The following TTC1 variants were observed in gnomAD, a reference collection of about 807,000 sequenced individuals.
TTC1 encodes the protein tetratricopeptide repeat domain 1.
In TTC1, 31 loss-of-function variants were observed where a neutral mutation model predicts 37.6. That is an observed-to-expected ratio of 0.82 (90% confidence interval 0.62 to 1.11). The LOEUF is 1.11. Ranked by LOEUF, TTC1 falls within the 50% of genes most tolerant of loss-of-function variation. The pLI, the probability that TTC1 is intolerant of heterozygous loss-of-function variation, is 0.00. For synonymous variants in TTC1, 127 were observed against 122.4 expected, an observed-to-expected ratio of 1.04 and a Z score of -0.25; for missense variants, 351 against 339.0, an observed-to-expected ratio of 1.04 and a Z score of -0.28.
At chr5:160,055,528 G>C (rs1285003811) in intron 7 of TTC1, among the ~76,000 whole-genome samples, 2 of 152,206 alleles carry the variant, frequency 1.3e-5, no homozygotes, top group Admixed American at 1.3e-4. Flanking sequence ...CAGATATGGT[G>C]CCCAGAACAT....
At chr5:160,011,028 G>A (rs1335206568) in intron 2 of TTC1, among the ~76,000 whole-genome samples, 170 bp downstream of exon 2, 1 of 152,170 alleles carries the variant, frequency 6.6e-6, no homozygotes, top group African/African-American at 2.4e-5. Flanking sequence ...TGACAGGGAA[G>A]CACTTGAGTG....
At chr5:160,023,553 T>G (rs1210413498) in intron 2 of TTC1, among the ~76,000 whole-genome samples, 2 of 152,172 alleles carry the variant, frequency 1.3e-5, no homozygotes, top group Non-Finnish European at 2.9e-5. Context: ...AAACTTATAA[T>G]TCAGCTAGGG....
intron 5 of TTC1, 29 bp from the exon 6 acceptor site, chr5:160,049,485 G>T: frequency 1.3e-6 from 2 of 1,539,168 alleles, no homozygotes; most frequent in South Asian, 2.5e-5. Context: ...TTTTCTTTGT[G>T]ATAAAAATTA....
At position 160,064,948 on chromosome 5, in the gene TTC1, T is replaced by C; in HGVS notation, c.762T>C (p.Leu254=). 1.2e-6 allele frequency: 2 copies of C among 1,611,538 alleles called. No individual in the cohort carries two copies. Among genetic ancestry groups the C allele is most frequent in the Non-Finnish European group, 1.7e-6 (2 of 1,179,512 alleles). The change falls in exon 8 of 8, where the codon CTT becomes CTC. Residue 254 remains leucine, a synonymous_variant. Coordinates refer to ENST00000231238, the MANE Select transcript of TTC1 (RefSeq NM_003314.3). ...ACATTACAGGTAAATTAAAAGATCTTGGGAACTTGGTTCTCCGACCTTTTG... is the reference window on the plus strand; with the variant it reads ...ACATTACAGGTAAATTAAAAGATCTCGGGAACTTGGTTCTCCGACCTTTTG... ...KEEMLGKLKD[L]GNLVLRPFGL...
At chr5:160,017,064 A>G (rs1307073851) in intron 2 of TTC1, among the ~76,000 whole-genome samples, 2 of 152,254 alleles carry the variant, frequency 1.3e-5, no homozygotes, top group Admixed American at 1.3e-4. Flanking sequence ...AAATGTAGAT[A>G]TAACTACCCA....
chr5:160,065,073 A>G lies in TTC1; in HGVS notation c.*8A>G. ...CCAAATAATAACAGATAACAAAGAT[A>G]ACAAAAGCTTTACAAGCTGACTTGG... On this transcript the variant is annotated 3_prime_UTR_variant, in exon 8 of 8. Transcript: ENST00000231238. 6.2e-7 allele frequency: 1 copy of G among 1,607,350 alleles called. No homozygotes were observed. The highest frequency in any genetic ancestry group is 8.5e-7 in the Non-Finnish European group (1 of 1,178,608).
chr5:160,046,308 C>T (rs1337992552), intron 5 of TTC1, among the ~76,000 whole-genome samples: 1 of 152,188 alleles, frequency 6.6e-6, no homozygotes, highest in Non-Finnish European at 1.5e-5. Context: ...ACCTTACCTG[C>T]ATTTAATACA....
At chr5:160,028,417 T>A (rs536723395) in intron 2 of TTC1, among the ~76,000 whole-genome samples, 4 of 152,298 alleles carry the variant, frequency 2.6e-5, no homozygotes, top group African/African-American at 9.6e-5. Flanking sequence ...TTCATTTTTC[T>A]TCAGTCTTTT....
At position 160,009,199 on chromosome 5, in the gene TTC1, T is replaced by C. The variant is rs1360693819; in HGVS notation, c.-30+6T>C. 1.3e-5 allele frequency: 2 copies of C among 152,204 alleles called. No homozygotes were observed. The highest frequency in any genetic ancestry group is 4.8e-5 in the African/African-American group (2 of 41,418). 9.4% of individuals were successfully genotyped at this position (152,204 alleles called of 1,614,324 possible). A position where few individuals can be genotyped will look rare whatever the true frequency, so the allele number is the denominator to read the frequency against. On this transcript the variant is annotated splice_donor_region_variant and intron_variant, in intron 1 of 7. Transcript: ENST00000231238. ...ACCGGAGAAGCTGTGAGGTTGTGAG[T>C]AACCCCGTGGGTCTAAGCGTGTTGG...
chr5:160,057,850 C>A lies in TTC1; in HGVS notation c.745+6667C>A, dbSNP rs1325664500. On this transcript the variant is annotated intron_variant, in intron 7 of 7. Coordinates refer to ENST00000231238, the MANE Select transcript of TTC1 (RefSeq NM_003314.3). This position sits in a 1 kb window ranked among gnomAD's most constrained non-coding sequence, Gnocchi z 4.4. Reference sequence around the variant, plus strand: ...GTGGCACAATCTTGGCTCACTGCAACCCCGCCTCCTGGGTTCAAACAATTC... The same window carrying A: ...GTGGCACAATCTTGGCTCACTGCAAACCCGCCTCCTGGGTTCAAACAATTC... 6.6e-6 allele frequency among the ~76,000 whole-genome samples: 1 copy of A among 152,138 alleles called. No individual in the cohort carries two copies. Among genetic ancestry groups the A allele is most frequent in the East Asian group, 1.9e-4 (1 of 5,184 alleles).
chr5:160,027,035 TTTTC>T (rs1250013857), intron 2 of TTC1, among the ~76,000 whole-genome samples: 1 of 152,016 alleles, frequency 6.6e-6, no homozygotes, highest in African/African-American at 2.4e-5. Context: ...TTTTTTTTCT[TTTTC>T]TTTTTTTGAG....
chr5:160,034,720 T>G (rs1273337161), intron 2 of TTC1, among the ~76,000 whole-genome samples: 1 of 152,162 alleles, frequency 6.6e-6, no homozygotes, highest in Non-Finnish European at 1.5e-5. Flanking sequence ...AAACTAAGGC[T>G]CAGAAAGATT....
At chr5:160,036,908 T>C in intron 4 of TTC1, 105 bp downstream of exon 4, 4 of 722,816 alleles carry the variant, frequency 5.5e-6, no homozygotes, top group Middle Eastern at 2.4e-4. Flanking sequence ...GCCTCCCTTT[T>C]CCTGCCCATA....
intron 2 of TTC1, among the ~76,000 whole-genome samples, chr5:160,024,480 C>T (rs1048095881): frequency 6.6e-6 from 1 of 152,014 alleles, no homozygotes; most frequent in Admixed American, 6.6e-5. Flanking sequence ...TTCATGTTGC[C>T]TTAGTTTTCT....
At chr5:160,043,736 A>C (rs1414515189) in intron 5 of TTC1, among the ~76,000 whole-genome samples, 1 of 152,238 alleles carries the variant, frequency 6.6e-6, no homozygotes, top group Non-Finnish European at 1.5e-5. Flanking sequence ...GTGTGTTTTG[A>C]GAAGGGGGAC....
rs1212794318 is a variant in TTC1 at position 160,045,512 on chromosome 5, ACATACACACT to A, written c.541+2345_541+2354del. 2.1e-3 allele frequency among the ~76,000 whole-genome samples: 90 copies of A among 42,818 alleles called. 1 individual carries two copies. Among genetic ancestry groups the A allele is most frequent in the Admixed American group, 5.6e-3 (17 of 3,018 alleles). 28.1% of individuals were successfully genotyped at this position (42,818 alleles called of 152,430 possible). A position where few individuals can be genotyped will look rare whatever the true frequency, so the allele number is the denominator to read the frequency against. On this transcript the variant is annotated intron_variant, in intron 5 of 7. Coordinates refer to ENST00000231238, the MANE Select transcript of TTC1 (RefSeq NM_003314.3). ...CACACACACACACACACACACACAC[ACATACACACT>A]CTCTCTCTCTCTCTCTCTCTCTCTC...
intron 7 of TTC1, among the ~76,000 whole-genome samples, chr5:160,060,865 T>C (rs1365609028): frequency 6.6e-6 from 1 of 152,260 alleles, no homozygotes; most frequent in African/African-American, 2.4e-5. Flanking sequence ...GACCACACTC[T>C]GGCTTCAGAG....
chr5:160,033,531 T>C (rs901732669), intron 2 of TTC1, among the ~76,000 whole-genome samples: 6 of 152,240 alleles, frequency 3.9e-5, no homozygotes, highest in African/African-American at 1.4e-4. Context: ...ATTTTCACAC[T>C]GCTATTAAGA....
chr5:160,014,770 G>A (rs533161247), intron 2 of TTC1, among the ~76,000 whole-genome samples: 48 of 152,250 alleles, frequency 3.2e-4, no homozygotes, highest in African/African-American at 1.1e-3. Context: ...GGACATGACA[G>A]CATTAACGCT....
Sources: allele counts gnomAD v4.1 joint callset (sites outside exome capture counted in the v4.1 genomes callset), GRCh38; gene constraint gnomAD v4.1.1; non-coding constraint Gnocchi (gnomAD v3.1); transcripts MANE v1.5; gene names NCBI Gene and HGNC (gene_info 2026-07-23, HGNC 2026-07-21).